MSRA: variants seen among roughly 807,000 people sequenced by gnomAD.
MSRA encodes methionine sulfoxide reductase A.
In MSRA, 54 loss-of-function variants were observed where a neutral mutation model predicts 31.3. The observed-to-expected ratio is 1.73, with a 90% CI of 1.39 to 2.17. The LOEUF (loss-of-function observed/expected upper bound fraction) is 2.17, where lower values mean the gene tolerates loss of function less well. Ranked by LOEUF, MSRA falls within the 30% of genes most tolerant of loss-of-function variation. MSRA has a pLI of 0.00. For synonymous variants in MSRA, 169 were observed against 116.5 expected (o/e 1.45, Z -2.90); for missense variants, 507 against 300.9 (o/e 1.69, Z -5.07).
At chr8:10,340,324 C>T (rs769126024) in intron 5 of MSRA, among the ~76,000 whole-genome samples, 1 of 152,146 alleles carries the variant, frequency 6.6e-6, no homozygotes, top group Non-Finnish European at 1.5e-5. Flanking sequence ...AATGTATATC[C>T]GAATTCCACG....
intron 2 of MSRA, among the ~76,000 whole-genome samples, chr8:10,241,387 A>T (rs1031470796): frequency 6.6e-6 from 1 of 152,192 alleles, no homozygotes. Flanking sequence ...TGAAGCTTAC[A>T]TGAGAGCAGT....
intron 1 of MSRA, among the ~76,000 whole-genome samples, chr8:10,071,498 GTTT>G (rs1797731585): frequency 7.3e-6 from 1 of 137,536 alleles, no homozygotes; most frequent in Non-Finnish European, 1.5e-5. Context: ...CAGAGTAAAA[GTTT>G]TTAATTCTGA....
chr8:10,099,758 C>G (rs114605117), intron 1 of MSRA, among the ~76,000 whole-genome samples: 2 of 152,148 alleles, frequency 1.3e-5, no homozygotes, highest in Non-Finnish European at 2.9e-5. Flanking sequence ...GGCTCTCTTG[C>G]GGTGGCCATT....
chr8:10,151,534 C>G (rs755167981), intron 1 of MSRA, among the ~76,000 whole-genome samples: 1 of 152,066 alleles, frequency 6.6e-6, no homozygotes, highest in African/African-American at 2.4e-5. Context: ...CCTGTAGTCC[C>G]AGCTACTCGG....
intron 4 of MSRA, among the ~76,000 whole-genome samples, chr8:10,306,350 A>C (rs998115441): frequency 6.6e-6 from 1 of 152,198 alleles, no homozygotes; most frequent in African/African-American, 2.4e-5. Context: ...TGCCAGTGCC[A>C]GGTATTGTTG....
chr8:10,322,049 C>A (rs1330470318), intron 5 of MSRA, among the ~76,000 whole-genome samples: 1 of 152,092 alleles, frequency 6.6e-6, no homozygotes, highest in Admixed American at 6.5e-5. Context: ...GCTTTTGTAA[C>A]AGTGGTGGGC....
chr8:10,303,687 T>G (rs990816008), intron 4 of MSRA, among the ~76,000 whole-genome samples: 5 of 152,150 alleles, frequency 3.3e-5, no homozygotes, highest in African/African-American at 9.7e-5. Flanking sequence ...TCTCTTTCCA[T>G]AGGTCAGTGG....
At chr8:10,113,263 G>A (rs911708274) in intron 1 of MSRA, among the ~76,000 whole-genome samples, 2 of 120,974 alleles carry the variant, frequency 1.7e-5, no homozygotes, top group South Asian at 5.9e-4. Flanking sequence ...CTGGGCTGGG[G>A]AGGCATGGCT....
At chr8:10,134,750 C>T (rs1409421678) in intron 1 of MSRA, among the ~76,000 whole-genome samples, 1 of 152,224 alleles carries the variant, frequency 6.6e-6, no homozygotes, top group East Asian at 1.9e-4. Context: ...TCTCCTATGG[C>T]AGAACAGAGC....
At chr8:10,079,443 C>T (rs1428367640) in intron 1 of MSRA, among the ~76,000 whole-genome samples, 1 of 152,132 alleles carries the variant, frequency 6.6e-6, no homozygotes. Flanking sequence ...GTGTGAGCCA[C>T]CACACCCGAC....
At chr8:10,100,341 T>A (rs952068198) in intron 1 of MSRA, among the ~76,000 whole-genome samples, 1 of 152,150 alleles carries the variant, frequency 6.6e-6, no homozygotes, top group South Asian at 2.1e-4. Flanking sequence ...GGCTGGAATT[T>A]AGCCTCAGCT....
At chr8:10,308,999 G>C (rs898713953) in intron 4 of MSRA, among the ~76,000 whole-genome samples, 1 of 152,230 alleles carries the variant, frequency 6.6e-6, no homozygotes, top group Non-Finnish European at 1.5e-5. Context: ...ATCGAGGAGA[G>C]CAAGAACTAT....
intron 2 of MSRA, among the ~76,000 whole-genome samples, chr8:10,241,719 T>G (rs1035777029): frequency 1.6e-4 from 24 of 151,666 alleles, no homozygotes; most frequent in African/African-American, 5.5e-4. Context: ...ACTAGACATT[T>G]TGTGCTTTCT....
chr8:10,123,370 G>A (rs1585199886), intron 1 of MSRA, among the ~76,000 whole-genome samples: 1 of 152,268 alleles, frequency 6.6e-6, no homozygotes, highest in Admixed American at 6.5e-5. Flanking sequence ...CTCTAATGGG[G>A]TTTTGTTTTT....
intron 4 of MSRA, among the ~76,000 whole-genome samples, chr8:10,317,718 C>T (rs750764320): frequency 1.3e-5 from 2 of 152,200 alleles, no homozygotes; most frequent in African/African-American, 2.4e-5. Flanking sequence ...TACATCAAGA[C>T]AGCCAAATAG....
At chr8:10,388,237 A>G (rs1453567303) in intron 5 of MSRA, among the ~76,000 whole-genome samples, 1 of 152,158 alleles carries the variant, frequency 6.6e-6, no homozygotes, top group Non-Finnish European at 1.5e-5. Flanking sequence ...TGGGAAGGTG[A>G]CCAGGAAAAC....
In MSRA at chr8:10,270,976, G is replaced by A. The variant is rs564358524; in HGVS notation, c.331+25753G>A. Among the ~76,000 whole-genome samples the A allele has an allele frequency of 2.0e-5, 3 of 152,122 alleles. No individual in the cohort carries two copies. The South Asian group carries it at 6.2e-4, about 32-fold the overall frequency. ...AAGCTCATTTTGTTCCTGGAAGAGG[G>A]CTTTATTTTATTTCAAACCCTCAGC... is the stretch of plus-strand genomic sequence containing the variant. On this transcript the variant is annotated intron_variant, in intron 3 of 5. Coordinates refer to ENST00000317173, the MANE Select transcript of MSRA (RefSeq NM_012331.5).
chr8:10,184,791 G>T (rs548061328), intron 1 of MSRA, among the ~76,000 whole-genome samples: 1 of 152,108 alleles, frequency 6.6e-6, no homozygotes, highest in East Asian at 1.9e-4. Flanking sequence ...ACACACAGTC[G>T]TATAACTGAC....
At chr8:10,120,381 T>C (rs1038655713) in intron 1 of MSRA, among the ~76,000 whole-genome samples, 1 of 152,160 alleles carries the variant, frequency 6.6e-6, no homozygotes, top group African/African-American at 2.4e-5. Context: ...CTCTAAGACC[T>C]GTAATTTGCC....
Sources: allele counts gnomAD v4.1 joint callset (sites outside exome capture counted in the v4.1 genomes callset), GRCh38; gene constraint gnomAD v4.1.1; transcripts MANE v1.5; gene names NCBI Gene and HGNC (gene_info 2026-07-23, HGNC 2026-07-21).